TG: variants seen among roughly 807,000 people sequenced by gnomAD.
The protein encoded by TG is thyroid hormones.
In TG, 270 loss-of-function variants were observed where a neutral mutation model predicts 324.7. That is an observed-to-expected ratio of 0.83 (90% confidence interval 0.75 to 0.92). TG has a LOEUF of 0.92. Ranked by LOEUF, TG falls within the 40% of genes least tolerant of loss-of-function variation. The pLI is 0.00. For synonymous variants in TG, 1,401 were observed against 1,327.0 expected, an observed-to-expected ratio of 1.06 and a Z score of -1.21; for missense variants, 3,591 against 3,456.4, an observed-to-expected ratio of 1.04 and a Z score of -0.98.
chr8:133,050,902 G>A (rs1177519451), intron 41 of TG: 1 of 1,612,500 alleles, frequency 6.2e-7, no homozygotes, highest in Non-Finnish European at 8.5e-7. Context: ...CGGCAAGGAA[G>A]TCGCTATCCA....
chr8:132,895,886 C>G (rs1817019992), intron 11 of TG, among the ~76,000 whole-genome samples: 2 of 152,196 alleles, frequency 1.3e-5, no homozygotes, highest in African/African-American at 4.8e-5. Flanking sequence ...AGAAGTCGAG[C>G]TGAGAAGTTC....
At chr8:133,122,408 C>G (rs1851212395) in intron 45 of TG, among the ~76,000 whole-genome samples, 1 of 152,146 alleles carries the variant, frequency 6.6e-6, no homozygotes, top group African/African-American at 2.4e-5. Context: ...GAAACAAAAG[C>G]CCAGGGATGT....
At chr8:133,021,510 AT>A (rs1835560628) in intron 39 of TG, among the ~76,000 whole-genome samples, 1 of 152,202 alleles carries the variant, frequency 6.6e-6, no homozygotes, top group Non-Finnish European at 1.5e-5. Context: ...ATGGGGTTTA[AT>A]AGTTGCTCAG....
chr8:133,119,123 A>G (rs1390407067), intron 45 of TG, among the ~76,000 whole-genome samples: 1 of 152,158 alleles, frequency 6.6e-6, no homozygotes, highest in Non-Finnish European at 1.5e-5. Flanking sequence ...CTTCAGAACT[A>G]TGAGAGAAAA....
chr8:133,058,977 C>A, intron 41 of TG: 2 of 474,280 alleles, frequency 4.2e-6, no homozygotes, highest in Admixed American at 2.2e-5. Flanking sequence ...GGCCATCAGA[C>A]CACACAAGCT....
At chr8:132,984,996 C>G (rs1831346337) in intron 35 of TG, among the ~76,000 whole-genome samples, 1 of 151,766 alleles carries the variant, frequency 6.6e-6, no homozygotes, top group African/African-American at 2.4e-5. Context: ...CTCTGCTCAT[C>G]TGCCACTCCC....
At chr8:133,117,625 A>G (rs1006659322) in intron 45 of TG, among the ~76,000 whole-genome samples, 1 of 152,248 alleles carries the variant, frequency 6.6e-6, no homozygotes, top group African/African-American at 2.4e-5. Context: ...CTCTAGAGGG[A>G]AGACAGTAGT....
intron 35 of TG, 36 bp downstream of exon 35, chr8:132,983,448 T>C (rs879071395): frequency 2.6e-6 from 4 of 1,568,244 alleles, no homozygotes; most frequent in South Asian, 2.2e-5. Context: ...TGGATGAGAG[T>C]ACCCCCTCAT....
At chr8:132,901,675 G>A in intron 16 of TG, 122 bp downstream of exon 16, 1 of 1,062,064 alleles carries the variant, frequency 9.4e-7, no homozygotes, top group South Asian at 1.6e-5. Context: ...AGTGCAGGAG[G>A]GATGTAGTTG....
chr8:133,105,825 G>A (rs1268108168), intron 43 of TG, among the ~76,000 whole-genome samples: 1 of 152,158 alleles, frequency 6.6e-6, no homozygotes, highest in Admixed American at 6.5e-5. Flanking sequence ...ATTAGGCTGA[G>A]GCAGAGCTGA....
Position 132,886,879 on chromosome 8 carries a change from C to T in TG, c.1507C>T (p.Gln503Ter). 12 of 1,614,140 alleles carry T rather than the reference C, an allele frequency of 7.4e-6. No homozygotes were observed. Among genetic ancestry groups the T allele is most frequent in the Non-Finnish European group, 1.0e-5 (12 of 1,180,028 alleles). The change falls in exon 9 of 48, where the codon CAA (glutamine) becomes TAA (stop). Residue 503 changes from glutamine to a stop codon, truncating the protein, a stop_gained. Transcript: ENST00000220616. LOFTEE classifies it high-confidence loss of function. The stretch of plus-strand genomic sequence containing the variant: ...ATTTAACTTCAGTCAATTTTTCCAG[C>T]AACTTGGTCTTGCAAGCTTCTTGAA... The part of the protein sequence containing the change: ...GTFNFSQFFQ[Q>*]LGLASFLNGG...
chr8:133,076,341 C>T (rs1429298043), intron 41 of TG, among the ~76,000 whole-genome samples: 3 of 152,352 alleles, frequency 2.0e-5, no homozygotes, highest in Non-Finnish European at 4.4e-5. Context: ...ATTTGGAAAC[C>T]TCACTTGGGG....
Position 133,067,605 on chromosome 8 carries a change from A to C in TG, c.7240-27439A>C, listed in dbSNP as rs568997511. On this transcript the variant is annotated intron_variant, in intron 41 of 47. Coordinates refer to ENST00000220616, the MANE Select transcript of TG (RefSeq NM_003235.5). ...AACCTGGCCAACGTTGTGAAACCCT[A>C]TCTCTACTAAAAATGCAAAAATTAG... 7.9e-5 allele frequency among the ~76,000 whole-genome samples: 12 copies of C among 152,080 alleles called. No individual in the cohort carries two copies. In the South Asian group the frequency reaches 2.5e-3, roughly 32 times the overall value.
At chr8:132,966,141 G>C (rs980199057) in intron 29 of TG, among the ~76,000 whole-genome samples, 5 of 152,308 alleles carry the variant, frequency 3.3e-5, no homozygotes, top group Admixed American at 1.3e-4. Flanking sequence ...AAGAGGACTT[G>C]ACTATACAAC....
At chr8:133,025,588 C>T (rs1835996345) in intron 40 of TG, among the ~76,000 whole-genome samples, 1 of 152,032 alleles carries the variant, frequency 6.6e-6, no homozygotes, top group Admixed American at 6.5e-5. Flanking sequence ...TTACTGAAGT[C>T]CACAGTTTAC....
intron 35 of TG, among the ~76,000 whole-genome samples, chr8:132,995,694 G>T (rs530275991): frequency 6.6e-6 from 1 of 152,308 alleles, no homozygotes; most frequent in African/African-American, 2.4e-5. Context: ...ATGTCCACTT[G>T]TTAGGAGTCA....
intron 35 of TG, among the ~76,000 whole-genome samples, chr8:132,985,192 T>C (rs1322161227): frequency 6.6e-6 from 1 of 152,212 alleles, no homozygotes; most frequent in Non-Finnish European, 1.5e-5. Context: ...TTGAATTTGC[T>C]GTGCGTCAAG....
chr8:132,957,742 T>TACACACACACACACAC (rs6150825), intron 27 of TG, among the ~76,000 whole-genome samples: 1 of 41,548 alleles, frequency 2.4e-5, no homozygotes, highest in African/African-American at 7.8e-5. Context: ...CATGGTAAAC[T>TACACACACACACACAC]ACACACACAC....
intron 35 of TG, among the ~76,000 whole-genome samples, chr8:133,000,903 C>T (rs1368448935): frequency 2.0e-5 from 3 of 152,122 alleles, no homozygotes; most frequent in Non-Finnish European, 4.4e-5. Context: ...ACATCATCTT[C>T]CCACAGCTCT....
Sources: gnomAD v4.1 joint callset for allele counts (sites outside exome capture counted in the v4.1 genomes callset) on GRCh38, gnomAD v4.1.1 for gene constraint, MANE v1.5 for transcripts, NCBI Gene and HGNC (gene_info 2026-07-23, HGNC 2026-07-21) for gene names.